The following ZBTB46 variants were observed in gnomAD, a reference collection of about 807,000 sequenced individuals.
ZBTB46 encodes the protein zinc finger and BTB domain containing 46, also known as zinc finger and BTB domain-containing protein 46.
ZBTB46 carries 8 observed loss-of-function variants against 44.1 expected under a neutral mutation model. That is an observed-to-expected ratio of 0.18 (90% CI 0.11 to 0.33). The LOEUF (loss-of-function observed/expected upper bound fraction) is 0.33, where lower values mean the gene tolerates loss of function less well. Ranked by LOEUF, ZBTB46 falls within the 10% of genes least tolerant of loss-of-function variation. The pLI is 1.00. For missense variants in ZBTB46, 651 were observed against 847.7 expected (o/e 0.77, Z 2.88); for synonymous variants, 409 against 382.3 (o/e 1.07, Z -0.81).
chr20:63,775,777 T>C lies in ZBTB46; in HGVS notation c.1123A>G (p.Met375Val). 6.2e-7 allele frequency: 1 copy of C among 1,613,336 alleles called. No individual in the cohort carries two copies. The highest frequency in any genetic ancestry group is 1.1e-5 in the South Asian group (1 of 91,042). The change falls in exon 3 of 5, where the codon ATG (methionine) becomes GTG (valine). Residue 375 changes from methionine to valine, a missense_variant. Met to Val is a conservative substitution (Grantham distance 21, BLOSUM62 1). Around this residue, in one of 5 missense-constraint regions of ZBTB46, gnomAD observed 385 missense variants for 423.3 expected, o/e 0.91. Transcript: ENST00000245663. ...AGCGACAGCAGGCTGTTCTTACTCA[T>C]GAGCGCCGCGCGCAGGTTGGCCACC... ...TAVANLRAAL[M>V]SKNSLLSLKA...
chr20:63,747,860 C>T (rs529841614), intron 4 of ZBTB46, among the ~76,000 whole-genome samples: 3 of 152,292 alleles, frequency 2.0e-5, no homozygotes, highest in East Asian at 3.9e-4. Context: ...ACACTTCTCA[C>T]GGGGGTCACA....
Position 63,790,244 on chromosome 20 carries a change from C to G in ZBTB46, c.514G>C (p.Ala172Pro). The change falls in exon 2 of 5, where the codon GCA becomes CCA. Residue 172 changes from alanine to proline, a missense_variant. Physicochemically the swap from Ala to Pro is conservative, Grantham distance 27. Transcript: ENST00000245663. ...GAATTGGCAGGACTCGTTCGCCGTG[C>G]CAGCCACGGGGAGATGCTCCTCCCA... Reference protein sequence around the residue: ...MAGRSISPWLARRTSPANSSG... With the variant: ...MAGRSISPWLPRRTSPANSSG... 1 of 1,611,202 alleles carries G rather than the reference C, an allele frequency of 6.2e-7. No individual in the cohort carries two copies. Among genetic ancestry groups the G allele is most frequent in the Non-Finnish European group, 8.5e-7 (1 of 1,178,994 alleles).
Position 63,743,702 on chromosome 20 carries a change from A to G in ZBTB46, c.*3228T>C, listed in dbSNP as rs987505429. The G allele has an allele frequency of 1.3e-5, 2 of 152,422 alleles. No homozygotes were observed. The highest frequency in any genetic ancestry group is 2.9e-5 in the Non-Finnish European group (2 of 68,058). 9.4% of individuals were successfully genotyped at this position (152,422 alleles called of 1,614,324 possible). ...GCAATTTCCCAATTTATTGAAAGTG[A>G]TCGCTTTGCAAGGATGTCTAAGCTA... On this transcript the variant is annotated 3_prime_UTR_variant, in exon 5 of 5. Coordinates refer to ENST00000245663, the MANE Select transcript of ZBTB46 (RefSeq NM_001369741.1).
rs1031680273 is a variant in ZBTB46 at position 63,790,300 on chromosome 20, C to T, written c.458G>A (p.Ser153Asn). The T allele has an allele frequency of 1.9e-6, 3 of 1,612,848 alleles. No homozygotes were observed. Among genetic ancestry groups the T allele is most frequent in the Non-Finnish European group, 2.5e-6 (3 of 1,179,832 alleles). The stretch of plus-strand genomic sequence containing the variant: ...CACGGCCGAGATGAGAGCTTCCGTG[C>T]TGCTGCTGGACGAGGCGCCGATCTC... Reference protein sequence around the residue: ...EFEIGASSSSSTEALISAVMA... With the variant: ...EFEIGASSSSNTEALISAVMA... The change falls in exon 2 of 5, where the codon AGC becomes AAC. Residue 153 changes from serine to asparagine, a missense_variant. Ser to Asn is a conservative substitution (Grantham distance 46, BLOSUM62 1). Coordinates refer to ENST00000245663, the MANE Select transcript of ZBTB46 (RefSeq NM_001369741.1).
At chr20:63,755,552 A>G (rs1399532435) in intron 3 of ZBTB46, among the ~76,000 whole-genome samples, 1 of 152,214 alleles carries the variant, frequency 6.6e-6, no homozygotes, top group Non-Finnish European at 1.5e-5. Context: ...GAGATCCTTT[A>G]TCACATCTGC....
intron 1 of ZBTB46, among the ~76,000 whole-genome samples, chr20:63,822,776 G>A (rs548247055): frequency 7.9e-5 from 12 of 152,250 alleles, no homozygotes; most frequent in African/African-American, 1.9e-4. Flanking sequence ...CACTTTGGGA[G>A]GCTGAGGCAG....
chr20:63,764,237 GA>G (rs1221170700), intron 3 of ZBTB46, among the ~76,000 whole-genome samples: 1 of 152,156 alleles, frequency 6.6e-6, no homozygotes, highest in Non-Finnish European at 1.5e-5. Context: ...AGGGGTTCCA[GA>G]CCAGCCTGGC....
rs551413885 is a variant in ZBTB46 at position 63,773,220 on chromosome 20, A to G, written c.1222+2458T>C. On this transcript the variant is annotated intron_variant, in intron 3 of 4. Coordinates refer to ENST00000245663, the MANE Select transcript of ZBTB46 (RefSeq NM_001369741.1). ...AAGCACAAACAAATTGTTTCCCCTC[A>G]GTCCAATGGCTTTTTTTTTTTTTTT... 4.5e-3 allele frequency among the ~76,000 whole-genome samples: 568 copies of G among 126,742 alleles called. 5 individuals carry two copies. The highest frequency in any genetic ancestry group is 0.017 in the African/African-American group (533 of 32,296). 83.1% of individuals were successfully genotyped at this position (126,742 alleles called of 152,430 possible).
intron 1 of ZBTB46, among the ~76,000 whole-genome samples, chr20:63,828,275 AC>A (rs1168218648): frequency 6.6e-6 from 1 of 152,128 alleles, no homozygotes; most frequent in African/African-American, 2.4e-5. Flanking sequence ...ATGGCCTAAG[AC>A]CCCAGCACTC....
At position 63,803,301 on chromosome 20, in the gene ZBTB46, T is replaced by G. The variant is rs548348352; in HGVS notation, c.-33-12511A>C. The G allele has an allele frequency of 1.0e-5, 10 of 984,960 alleles. No individual in the cohort carries two copies. In the African/African-American group the frequency reaches 1.4e-4, roughly 14 times the overall value. 61.0% of individuals were successfully genotyped at this position (984,960 alleles called of 1,614,324 possible). On this transcript the variant is annotated intron_variant, in intron 1 of 4. Transcript: ENST00000245663. The surrounding 1 kb of genome is among the most constrained non-coding windows in gnomAD (Gnocchi z 4.0). ...GGTTAAGACATGAATACTGTGAAAC[T>G]GTCGTACAAATTAAATTTCATATAC... is the stretch of plus-strand genomic sequence containing the variant.
chr20:63,826,123 T>C (rs1287895754), intron 1 of ZBTB46, among the ~76,000 whole-genome samples: 1 of 152,260 alleles, frequency 6.6e-6, no homozygotes, highest in African/African-American at 2.4e-5. Flanking sequence ...GGGAAGGCTT[T>C]CTGTGCAAGA....
Position 63,752,976 on chromosome 20 carries a change from C to T in ZBTB46, c.1223-115G>A. 8.4e-7 allele frequency: 1 copy of T among 1,184,796 alleles called. No homozygotes were observed. The highest frequency in any genetic ancestry group is 1.2e-6 in the Non-Finnish European group (1 of 863,394). 73.4% of individuals were successfully genotyped at this position (1,184,796 alleles called of 1,614,324 possible). The stretch of plus-strand genomic sequence containing the variant: ...AGCCAGGACGGGCTGTCTCCCACGG[C>T]CACCCACTGGGGGCTGGTCAGCACT... On this transcript the variant is annotated intron_variant, in intron 3 of 4. Transcript: ENST00000245663. This position sits in a 1 kb window ranked among gnomAD's most constrained non-coding sequence, Gnocchi z 5.6.
intron 3 of ZBTB46, among the ~76,000 whole-genome samples, chr20:63,771,114 G>C (rs988457227): frequency 6.6e-6 from 1 of 150,908 alleles, no homozygotes; most frequent in African/African-American, 2.4e-5. Context: ...GAGCTGGCCT[G>C]AGTTGAAGCT....
At chr20:63,749,538 G>C (rs113280105) in intron 4 of ZBTB46, among the ~76,000 whole-genome samples, 3 of 152,044 alleles carry the variant, frequency 2.0e-5, no homozygotes, top group African/African-American at 7.2e-5. Context: ...GGGTTTCACC[G>C]TGTTAGCCAG....
chr20:63,824,143 G>T (rs1327997727), intron 1 of ZBTB46, among the ~76,000 whole-genome samples: 1 of 152,028 alleles, frequency 6.6e-6, no homozygotes, highest in African/African-American at 2.4e-5. Context: ...CACCTTCGAG[G>T]TTGAGCAGCC....
chr20:63,829,230 C>G (rs2146113765), intron 1 of ZBTB46, among the ~76,000 whole-genome samples: 1 of 152,278 alleles, frequency 6.6e-6, no homozygotes, highest in South Asian at 2.1e-4. Context: ...TAACAGTCCA[C>G]CCAACCCGAA....
intron 3 of ZBTB46, among the ~76,000 whole-genome samples, chr20:63,754,379 G>T (rs1392263458): frequency 6.6e-6 from 1 of 152,186 alleles, no homozygotes; most frequent in African/African-American, 2.4e-5. Context: ...ACACCCAACA[G>T]AGCAAACGCT....
chr20:63,747,215 G>T lies in ZBTB46; in HGVS notation c.1485C>A (p.Ser495=). 1 of 1,602,092 alleles carries T rather than the reference G, an allele frequency of 6.2e-7. No homozygotes were observed. The highest frequency in any genetic ancestry group is 8.5e-7 in the Non-Finnish European group (1 of 1,174,712). ...SAASVGIRHG[S]RRHGVCTDCA... is the part of the protein sequence containing the mutation. ...AGTCGGTGCACACACCGTGGCGCCT[G>T]GAGCCATGCCTGATGCCCACGCTGG... Residue 495 remains serine (S), a synonymous_variant, in exon 5 of 5, where the codon TCC becomes TCA. Coordinates refer to ENST00000245663, the MANE Select transcript of ZBTB46 (RefSeq NM_001369741.1).
chr20:63,750,903 A>C (rs949981306), intron 4 of ZBTB46, among the ~76,000 whole-genome samples: 3 of 151,330 alleles, frequency 2.0e-5, no homozygotes, highest in Non-Finnish European at 4.4e-5. Flanking sequence ...CCCTGTCTCA[A>C]AAAAAAAACA....
Sources: gnomAD v4.1 joint callset for allele counts (sites outside exome capture counted in the v4.1 genomes callset) on GRCh38, gnomAD v4.1.1 for gene constraint, gnomAD v4.1.1 regional missense constraint, Gnocchi (gnomAD v3.1) non-coding constraint, MANE v1.5 for transcripts, NCBI Gene and HGNC (gene_info 2026-07-23, HGNC 2026-07-21) for gene names.